TTLL3: variants seen among roughly 807,000 people sequenced by gnomAD.
TTLL3 encodes the protein tubulin tyrosine ligase like 3, also known as tubulin monoglycylase TTLL3.
TTLL3 carries 63 observed loss-of-function variants against 75.2 expected under a neutral mutation model. That is an observed-to-expected ratio of 0.84 (90% CI 0.68 to 1.03). TTLL3 has a LOEUF of 1.03. Ranked by LOEUF, TTLL3 falls within the 50% of genes least tolerant of loss-of-function variation. The pLI is 0.00. For synonymous variants in TTLL3, 393 were observed against 418.5 expected (o/e 0.94, Z 0.74); for missense variants, 997 against 1,069.9 (o/e 0.93, Z 0.95).
chr3:9,833,070 C>CTGAG, intron 11 of TTLL3, 34 bp from the exon 12 acceptor site: 1 of 1,612,262 alleles, frequency 6.2e-7, no homozygotes, highest in Non-Finnish European at 8.5e-7. Context: ...GTACCACTGA[C>CTGAG]TGAGTGGGCC....
chr3:9,810,788 C>T lies in TTLL3; in HGVS notation c.48+79C>T. 4.6e-6 allele frequency: 6 copies of T among 1,314,296 alleles called. No individual in the cohort carries two copies. The highest frequency in any genetic ancestry group is 1.4e-5 in the South Asian group (1 of 70,998). The allele number at this position is 1,314,296 out of a possible 1,614,324, so 81.4% of individuals were successfully genotyped here. Reference sequence around the variant, plus strand: ...TCTCCCTGCGCTGTTTTCTTATATCCTTAAAAAACAAAAGCAAAAGAAAAA... The same window carrying T: ...TCTCCCTGCGCTGTTTTCTTATATCTTTAAAAAACAAAAGCAAAAGAAAAA... On this transcript the variant is annotated intron_variant, in intron 2 of 13. Transcript: ENST00000685419. The surrounding 1 kb of genome is among the most constrained non-coding windows in gnomAD (Gnocchi z 4.4).
intron 7 of TTLL3, chr3:9,820,224 G>A (rs1315996405): frequency 9.0e-7 from 1 of 1,108,680 alleles, no homozygotes; most frequent in Non-Finnish European, 1.1e-6. Flanking sequence ...AGACTCCCAG[G>A]TGCATTTTAG....
chr3:9,816,035 C>T lies in TTLL3; in HGVS notation c.316-39C>T, dbSNP rs756509807. 4 of 1,333,406 alleles carry T rather than the reference C, an allele frequency of 3.0e-6. No individual in the cohort carries two copies. The South Asian group carries it at 4.8e-5, about 16-fold the overall frequency. The allele number at this position is 1,333,406 out of a possible 1,614,324, so 82.6% of individuals were successfully genotyped here. On this transcript the variant is annotated intron_variant, in intron 4 of 13. Transcript: ENST00000685419. ...AGGCTGCCTTAGGCCCTGCTACCCA[C>T]ACTGGCCTCTGTGTTTCTGTCTCCT...
rs1559231022 is a variant in TTLL3, at chr3:9,835,433, G to A, written c.2392G>A (p.Gly798Arg). 2.5e-6 allele frequency: 4 copies of A among 1,612,606 alleles called. No homozygotes were observed. The East Asian group carries it at 6.7e-5, about 27-fold the overall frequency. ...GGGGCTTGACTCCATTGCTGTTGGA[G>A]GGTCAAGAGTGGATGGGGCGAGGCC... ...YLGLDSIAVGGSRVDGARPCT... is the reference protein window; with the variant it reads ...YLGLDSIAVGRSRVDGARPCT... The change falls in exon 14 of 14, where the codon GGG (glycine) becomes AGG (arginine). Residue 798 changes from glycine to arginine, a missense_variant. Coordinates refer to ENST00000685419, the MANE Select transcript of TTLL3 (RefSeq NM_001387446.1).
chr3:9,813,625 G>T (rs1438669502), intron 4 of TTLL3, among the ~76,000 whole-genome samples: 1 of 151,816 alleles, frequency 6.6e-6, no homozygotes, highest in Non-Finnish European at 1.5e-5. Context: ...ACAAAAAAAG[G>T]TAGAAAAACA....
intron 8 of TTLL3, among the ~76,000 whole-genome samples, chr3:9,824,730 T>A (rs1309213085): frequency 7.1e-6 from 1 of 141,754 alleles, no homozygotes. Flanking sequence ...TTCTTTTCTT[T>A]TCTTTTCTTT....
chr3:9,819,017 A>C (rs1351780850), intron 7 of TTLL3, 97 bp downstream of exon 7: 1 of 1,496,858 alleles, frequency 6.7e-7, no homozygotes, highest in East Asian at 2.3e-5. Flanking sequence ...TCATCCACGC[A>C]CCTACTGGTT....
At position 9,826,093 on chromosome 3, in the gene TTLL3, T is replaced by C. The variant is rs1559744024; in HGVS notation, c.1003+145T>C. The C allele has an allele frequency of 3.7e-6, 5 of 1,356,976 alleles. No homozygotes were observed. The East Asian group carries it at 1.0e-4, about 27-fold the overall frequency. The allele number at this position is 1,356,976 out of a possible 1,614,324, so 84.1% of individuals were successfully genotyped here. ...TCTGCTACTAATGTGCTTCGTGACC[T>C]TGAGCAGGTTTTAGCGCCTCCCTGA... On this transcript the variant is annotated intron_variant, in intron 9 of 13. Coordinates refer to ENST00000685419, the MANE Select transcript of TTLL3 (RefSeq NM_001387446.1).
In TTLL3 at chr3:9,829,342, C is replaced by T. The variant is rs563472315; in HGVS notation, c.1630C>T (p.Arg544Trp). 111 of 1,611,954 alleles carry T rather than the reference C, an allele frequency of 6.9e-5. 2 individuals carry two copies. The South Asian group carries it at 9.2e-4, about 13-fold the overall frequency. ...TGACACCCTGCGCGTGGTCATTGAC[C>T]GGATGCTGGACCGCAACTGTGACAC... ...QADTLRVVID[R>W]MLDRNCDTGA... Residue 544 changes from arginine (R) to tryptophan (W), a missense_variant, in exon 11 of 14, where the codon CGG (arginine) becomes TGG (tryptophan). Transcript: ENST00000685419.
Position 9,827,163 on chromosome 3 carries a change from C to T in TTLL3, c.1170C>T (p.Asn390=). 6.2e-7 allele frequency: 1 copy of T among 1,614,234 alleles called. No individual in the cohort carries two copies. Among genetic ancestry groups the T allele is most frequent in the Non-Finnish European group, 8.5e-7 (1 of 1,180,036 alleles). The change falls in exon 10 of 14, where the codon AAC becomes AAT. Residue 390 remains asparagine, a synonymous_variant. Coordinates refer to ENST00000685419, the MANE Select transcript of TTLL3 (RefSeq NM_001387446.1). ...AGTGGTTCCTGGTAACTGACTGGAA[C>T]CCACTTACCGTGTGGTTCTACCGCG... ...LRQWFLVTDW[N]PLTVWFYRDS... is the part of the protein sequence containing the mutation.
chr3:9,815,123 C>T lies in TTLL3; in HGVS notation c.316-951C>T, dbSNP rs112180637. On this transcript the variant is annotated intron_variant, in intron 4 of 13. Transcript: ENST00000685419. ...GGCCTGGTGGCGCACACCTGTAATC[C>T]CAGCTACTAGGGAGGCTGAGGCAGA... 2.9e-3 allele frequency among the ~76,000 whole-genome samples: 443 copies of T among 151,750 alleles called. 1 individual carries two copies. The highest frequency in any genetic ancestry group is 0.01 in the African/African-American group (417 of 41,382).
intron 2 of TTLL3, among the ~76,000 whole-genome samples, chr3:9,811,139 G>A (rs2079316472): frequency 6.6e-6 from 1 of 152,064 alleles, no homozygotes; most frequent in African/African-American, 2.4e-5. Flanking sequence ...TGGCCCCCTG[G>A]CCCCTTCCCC....
chr3:9,810,495 G>A lies in TTLL3; in HGVS notation c.-42+101G>A. The A allele has an allele frequency of 2.1e-6, 3 of 1,454,244 alleles. No homozygotes were observed. The highest frequency in any genetic ancestry group is 2.9e-5 in the African/African-American group (2 of 69,698). The allele number at this position is 1,454,244 out of a possible 1,614,324, so 90.1% of individuals were successfully genotyped here. A position where few individuals can be genotyped will look rare whatever the true frequency, so the allele number is the denominator to read the frequency against. On this transcript the variant is annotated intron_variant, in intron 1 of 13. Coordinates refer to ENST00000685419, the MANE Select transcript of TTLL3 (RefSeq NM_001387446.1). The surrounding 1 kb of genome is among the most constrained non-coding windows in gnomAD (Gnocchi z 4.4). ...GGGGTCGGGAGAAGAGCGGCTGAGG[G>A]TGGGCATCTGGATGAAGGCAGGAGG...
intron 4 of TTLL3, 136 bp downstream of exon 4, chr3:9,813,481 C>G: frequency 9.7e-7 from 1 of 1,026,554 alleles, no homozygotes; most frequent in Non-Finnish European, 1.4e-6. Flanking sequence ...AAAACTGCTT[C>G]TTTAAAGGCT....
upstream of TTLL3, chr3:9,809,985 G>GGGCGGGCGCGGGATCAGGGGCCCTGGGAT (rs1559733280): frequency 7.7e-7 from 1 of 1,297,120 alleles, no homozygotes; most frequent in Non-Finnish European, 9.7e-7. Flanking sequence ...GGCCCTGGGA[G>GGGCGGGCGCGGGATCAGGGGCCCTGGGAT]GGCGAGCGCG....
chr3:9,815,983 A>G, intron 4 of TTLL3, 91 bp from the exon 5 acceptor site: 1 of 1,208,138 alleles, frequency 8.3e-7, no homozygotes, highest in Non-Finnish European at 1.1e-6. Flanking sequence ...CTTCCTGTTC[A>G]CCCACCCTGC....
At chr3:9,809,817 G>A (rs911934901), upstream of TTLL3, 2 of 413,796 alleles carry the variant, frequency 4.8e-6, no homozygotes, top group Non-Finnish European at 4.1e-6. Context: ...GGGGCCCATC[G>A]CAGCCCCCAA....
chr3:9,814,982 AATCGC>A (rs1213959918), intron 4 of TTLL3, among the ~76,000 whole-genome samples: 1 of 152,092 alleles, frequency 6.6e-6, no homozygotes, highest in Non-Finnish European at 1.5e-5. Context: ...TCATGCCTGT[AATCGC>A]AGCACTTTGG....
chr3:9,825,653 T>C (rs2080961788), intron 8 of TTLL3, 147 bp from the exon 9 acceptor site: 6 of 1,459,390 alleles, frequency 4.1e-6, no homozygotes, highest in Non-Finnish European at 5.6e-6. Flanking sequence ...GGCCGGAGGC[T>C]TGGGAGGGAC....
Sources: allele counts gnomAD v4.1 joint callset (sites outside exome capture counted in the v4.1 genomes callset), GRCh38; gene constraint gnomAD v4.1.1; non-coding constraint Gnocchi (gnomAD v3.1); transcripts MANE v1.5; gene names NCBI Gene and HGNC (gene_info 2026-07-23, HGNC 2026-07-21).